The following CDK15 variants were observed in gnomAD, a reference collection of about 807,000 sequenced individuals.
The protein encoded by CDK15 is cyclin-dependent kinase 15.
In CDK15, 62 loss-of-function variants were observed where a neutral mutation model predicts 60.3. The observed-to-expected ratio is 1.03, with a 90% CI of 0.84 to 1.27. The LOEUF (loss-of-function observed/expected upper bound fraction) is 1.27, where lower values mean the gene tolerates loss of function less well. CDK15 is among the 50% of genes most tolerant of loss of function. CDK15 has a pLI of 0.00. For missense variants in CDK15, 541 were observed against 527.8 expected (o/e 1.03, Z -0.25); for synonymous variants, 194 against 195.7 (o/e 0.99, Z 0.07).
At chr2:201,833,720 T>TCTTCTTC in intron 6 of CDK15, 128 bp from the exon 7 acceptor site, 1 of 605,828 alleles carries the variant, frequency 1.7e-6, no homozygotes, top group Non-Finnish European at 2.3e-6. Context: ...CTTCTTCTTT[T>TCTTCTTC]TTTTTTTTTT....
At chr2:201,811,759 ATGG>A (rs1559112851) in intron 3 of CDK15, among the ~76,000 whole-genome samples, 1 of 152,152 alleles carries the variant, frequency 6.6e-6, no homozygotes, top group African/African-American at 2.4e-5. Context: ...GCGTGGAGAT[ATGG>A]TGGCTTTTGA....
At chr2:201,842,184 C>G (rs969035712) in intron 8 of CDK15, among the ~76,000 whole-genome samples, 2 of 152,244 alleles carry the variant, frequency 1.3e-5, no homozygotes, top group East Asian at 1.9e-4. Context: ...CACGATTCTG[C>G]TTTTTATCTT....
At chr2:201,866,284 T>C (rs1048892168) in intron 10 of CDK15, among the ~76,000 whole-genome samples, 4 of 152,184 alleles carry the variant, frequency 2.6e-5, no homozygotes, top group Non-Finnish European at 5.9e-5. Flanking sequence ...GAAAATGTTT[T>C]ACCTTGAGCT....
intron 3 of CDK15, among the ~76,000 whole-genome samples, chr2:201,810,754 G>A (rs1285388222): frequency 1.3e-5 from 2 of 151,596 alleles, no homozygotes; most frequent in African/African-American, 2.4e-5. Context: ...TAACTTTAGA[G>A]TAGAGAAACC....
At chr2:201,869,680 G>T (rs1185164211) in intron 10 of CDK15, among the ~76,000 whole-genome samples, 1 of 151,892 alleles carries the variant, frequency 6.6e-6, no homozygotes, top group Admixed American at 6.6e-5. Context: ...CCCAACCCAT[G>T]TGCCACAAGA....
chr2:201,821,906 C>T (rs1051214457), intron 4 of CDK15, among the ~76,000 whole-genome samples: 1 of 152,076 alleles, frequency 6.6e-6, no homozygotes, highest in Non-Finnish European at 1.5e-5. Context: ...GTCTCAAACT[C>T]CTGACCTCAG....
chr2:201,862,154 C>A (rs1013744148), intron 10 of CDK15, among the ~76,000 whole-genome samples: 6 of 152,208 alleles, frequency 3.9e-5, no homozygotes, highest in African/African-American at 1.4e-4. Flanking sequence ...ATTCTGCTCC[C>A]CACACCTAGA....
At chr2:201,868,047 C>T (rs1282304539) in intron 10 of CDK15, among the ~76,000 whole-genome samples, 1 of 152,180 alleles carries the variant, frequency 6.6e-6, no homozygotes, top group Non-Finnish European at 1.5e-5. Context: ...AAACACACCA[C>T]TGACCCACAC....
At chr2:201,888,796 T>C in intron 12 of CDK15, 1 of 1,151,732 alleles carries the variant, frequency 8.7e-7, no homozygotes, top group Non-Finnish European at 1.1e-6. Context: ...AATCCCAGCT[T>C]TTCATGCCAC....
intron 6 of CDK15, among the ~76,000 whole-genome samples, chr2:201,829,596 CTG>C (rs1696660755): frequency 6.6e-6 from 1 of 152,000 alleles, no homozygotes; most frequent in South Asian, 2.1e-4. Flanking sequence ...GAGCTCCAGA[CTG>C]TGTGGGCCTA....
chr2:201,848,494 C>A (rs1167646341), intron 9 of CDK15, among the ~76,000 whole-genome samples: 1 of 152,130 alleles, frequency 6.6e-6, no homozygotes, highest in Admixed American at 6.5e-5. Context: ...ATTTCCAGAA[C>A]TTCTCTATCA....
chr2:201,809,737 C>T lies in CDK15; in HGVS notation c.368+1785C>T, dbSNP rs560896722. On this transcript the variant is annotated intron_variant, in intron 3 of 13. Transcript: ENST00000652192. ...TATAGAATCCCTACCCTCCATTCCC[C>T]GGCACACACTCAGCTCCTCCCTGTC... Among the ~76,000 whole-genome samples, 13 of 152,204 alleles carry T rather than the reference C, an allele frequency of 8.5e-5. No individual in the cohort carries two copies. The East Asian group carries it at 1.4e-3, about 16-fold the overall frequency.
intron 11 of CDK15, chr2:201,876,392 G>A (rs187733106): frequency 6.2e-5 from 23 of 370,344 alleles, no homozygotes; most frequent in Non-Finnish European, 9.6e-5. Flanking sequence ...ATAGCAAGGC[G>A]GCGATTACTG....
chr2:201,819,204 G>A (rs1445370348), intron 4 of CDK15, among the ~76,000 whole-genome samples: 4 of 152,156 alleles, frequency 2.6e-5, no homozygotes, highest in South Asian at 2.1e-4. Flanking sequence ...GAATGGTCAA[G>A]GAAGTCTGCA....
At chr2:201,846,429 G>T (rs1232687504) in intron 8 of CDK15, among the ~76,000 whole-genome samples, 4 of 151,432 alleles carry the variant, frequency 2.6e-5, no homozygotes, top group African/African-American at 9.7e-5. Flanking sequence ...GGAGGCGGAG[G>T]TTGCAGTGAG....
chr2:201,854,102 A>C (rs1334933044), intron 9 of CDK15, among the ~76,000 whole-genome samples: 12 of 152,084 alleles, frequency 7.9e-5, no homozygotes, highest in Non-Finnish European at 1.6e-4. Flanking sequence ...TGAACCTGGG[A>C]GGCAGAGCTT....
In CDK15 at chr2:201,876,722, AG is replaced by A. The variant is rs367766769; in HGVS notation, c.1059-3304del. 118 of 409,204 alleles carry A rather than the reference AG, an allele frequency of 2.9e-4. 1 individual carries two copies. Among genetic ancestry groups the A allele is most frequent in the African/African-American group, 2.4e-3 (112 of 47,408 alleles). 25.3% of individuals were successfully genotyped at this position (409,204 alleles called of 1,614,324 possible). A position where few individuals can be genotyped will look rare whatever the true frequency, so the allele number is the denominator to read the frequency against. ...GTTGAAATGGAAAATCCTAAAAAAG[AG>A]GTCCTTGCACTAATTAGTACCTACC... On this transcript the variant is annotated intron_variant, in intron 11 of 13. Transcript: ENST00000652192.
At chr2:201,842,494 G>A (rs1405368172) in intron 8 of CDK15, among the ~76,000 whole-genome samples, 1 of 152,198 alleles carries the variant, frequency 6.6e-6, no homozygotes, top group Non-Finnish European at 1.5e-5. Flanking sequence ...AAGTGAGAAT[G>A]TCATGTCACT....
rs746754824 is a variant in CDK15, at chr2:201,872,312, T to A, written c.1044T>A (p.His348Gln). ...WFPLPTPRSL[H>Q]VVWNRLGRVP... ...CACTGCCTACGCCTCGAAGCCTTCA[T>A]GTTGTCTGGAACAGGTGAGTACTAC... is the stretch of plus-strand genomic sequence containing the variant. The change falls in exon 11 of 14, where the codon CAT becomes CAA. Residue 348 changes from histidine (H) to glutamine (Q), a missense_variant. Physicochemically the swap from His to Gln is conservative, Grantham distance 24 (BLOSUM62 0). Transcript: ENST00000652192. 2 of 1,613,930 alleles carry A rather than the reference T, an allele frequency of 1.2e-6. No homozygotes were observed. Among genetic ancestry groups the A allele is most frequent in the African/African-American group, 2.7e-5 (2 of 74,892 alleles).
Sources: gnomAD v4.1 joint callset for allele counts (sites outside exome capture counted in the v4.1 genomes callset) on GRCh38, gnomAD v4.1.1 for gene constraint, MANE v1.5 for transcripts, NCBI Gene and HGNC (gene_info 2026-07-23, HGNC 2026-07-21) for gene names.